The following LRP1B variants were observed in gnomAD, a reference collection of about 807,000 sequenced individuals.
The protein encoded by LRP1B is LDL receptor related protein 1B.
LRP1B carries 217 observed loss-of-function variants against 556.6 expected under a neutral mutation model. The ratio of observed to expected loss-of-function variants is 0.39; its 90% CI spans 0.35 to 0.44. LRP1B has a LOEUF of 0.44. Among genes scored for constraint, LRP1B ranks in the 20% least tolerant of loss-of-function variants. The pLI is 1.00. For synonymous variants in LRP1B, 2,047 were observed against 1,865.8 expected, an observed-to-expected ratio of 1.10 and a Z score of -2.50; for missense variants, 5,053 against 5,620.8, an observed-to-expected ratio of 0.90 and a Z score of 3.23.
intron 7 of LRP1B, among the ~76,000 whole-genome samples, chr2:141,152,829 T>C (rs761232541): frequency 1.3e-5 from 2 of 151,774 alleles, no homozygotes; most frequent in Admixed American, 6.6e-5. Context: ...TACATGTCTT[T>C]TGTATACTAA....
intron 17 of LRP1B, among the ~76,000 whole-genome samples, chr2:140,984,963 A>C (rs1392353173): frequency 2.0e-5 from 3 of 152,110 alleles, no homozygotes; most frequent in African/African-American, 7.2e-5. Flanking sequence ...ACAAACTCAC[A>C]ACATTCACTT....
intron 3 of LRP1B, among the ~76,000 whole-genome samples, chr2:141,263,911 G>A (rs1015422312): frequency 9.2e-5 from 14 of 152,096 alleles, no homozygotes; most frequent in African/African-American, 1.9e-4. Context: ...CCCAAAAAGC[G>A]TTTAATAAAA....
intron 2 of LRP1B, among the ~76,000 whole-genome samples, chr2:141,608,160 G>A (rs1180425623): frequency 6.6e-6 from 1 of 152,044 alleles, no homozygotes; most frequent in African/African-American, 2.4e-5. Flanking sequence ...GGAGGTGGAG[G>A]TTGCAGTGAG....
chr2:141,564,350 T>C (rs1305622758), intron 2 of LRP1B, among the ~76,000 whole-genome samples: 1 of 152,042 alleles, frequency 6.6e-6, no homozygotes, highest in East Asian at 1.9e-4. Context: ...AAAAGAAGAA[T>C]CTGTGAAAAT....
At chr2:140,729,218 T>C (rs771390685) in intron 35 of LRP1B, among the ~76,000 whole-genome samples, 1 of 152,118 alleles carries the variant, frequency 6.6e-6, no homozygotes, top group Non-Finnish European at 1.5e-5. Flanking sequence ...CACTGCTATA[T>C]GTTTCAAGAT....
intron 2 of LRP1B, among the ~76,000 whole-genome samples, chr2:141,606,572 A>G (rs1188260748): frequency 6.6e-6 from 1 of 152,232 alleles, no homozygotes; most frequent in East Asian, 1.9e-4. Context: ...AATTGTGATT[A>G]AGTCTAAATG....
chr2:141,563,574 G>C (rs1490501128), intron 2 of LRP1B, among the ~76,000 whole-genome samples: 1 of 151,926 alleles, frequency 6.6e-6, no homozygotes, highest in Non-Finnish European at 1.5e-5. Flanking sequence ...GATTCAAGGA[G>C]TAAGAAGTTT....
intron 2 of LRP1B, among the ~76,000 whole-genome samples, chr2:141,548,670 C>A (rs193043131): frequency 2.0e-5 from 3 of 152,192 alleles, no homozygotes; most frequent in Non-Finnish European, 4.4e-5. Flanking sequence ...GATTGTTAAT[C>A]CATATTACTG....
At chr2:141,212,033 A>G (rs1443329778) in intron 6 of LRP1B, among the ~76,000 whole-genome samples, 4 of 152,174 alleles carry the variant, frequency 2.6e-5, no homozygotes, top group African/African-American at 9.7e-5. Flanking sequence ...GCTTTTAAGT[A>G]TAAAGAGTTT....
At position 141,411,553 on chromosome 2, in the gene LRP1B, T is replaced by C. The variant is rs139117136; in HGVS notation, c.343+68843A>G. ...CTGATATGTTTGCCAGTGTCAGACT[T>C]GCTTGGATAGATGAAAAATGAAACT... is the stretch of plus-strand genomic sequence containing the variant. On this transcript the variant is annotated intron_variant, in intron 3 of 90. Transcript: ENST00000389484. 7.7e-4 allele frequency among the ~76,000 whole-genome samples: 117 copies of C among 152,270 alleles called. No individual in the cohort carries two copies. The East Asian group carries it at 0.014, about 18-fold the overall frequency.
At chr2:140,515,983 G>A (rs1055620424) in intron 50 of LRP1B, among the ~76,000 whole-genome samples, 2 of 151,796 alleles carry the variant, frequency 1.3e-5, no homozygotes, top group African/African-American at 4.8e-5. Context: ...AAATTTCTTT[G>A]ATTTGCAAAT....
At chr2:140,864,195 T>C (rs1172854914) in intron 27 of LRP1B, among the ~76,000 whole-genome samples, 3 of 151,930 alleles carry the variant, frequency 2.0e-5, no homozygotes, top group Admixed American at 1.3e-4. Context: ...ATTATCGATA[T>C]TGTTATCAAG....
chr2:140,616,833 C>T (rs1683274224), intron 41 of LRP1B, among the ~76,000 whole-genome samples: 1 of 151,840 alleles, frequency 6.6e-6, no homozygotes, highest in South Asian at 2.1e-4. Flanking sequence ...TTTGTTTACA[C>T]TATCAGTTCA....
chr2:140,833,557 T>G (rs894769209), intron 31 of LRP1B, among the ~76,000 whole-genome samples: 5 of 152,232 alleles, frequency 3.3e-5, no homozygotes, highest in Non-Finnish European at 7.3e-5. Flanking sequence ...ATGTTTTTGT[T>G]GCCAGATACA....
chr2:141,043,527 T>A (rs1698770884), intron 11 of LRP1B, among the ~76,000 whole-genome samples: 1 of 151,954 alleles, frequency 6.6e-6, no homozygotes, highest in Non-Finnish European at 1.5e-5. Context: ...TTATAGGATC[T>A]ATGGAAACTA....
intron 35 of LRP1B, among the ~76,000 whole-genome samples, chr2:140,749,057 A>G (rs1268135598): frequency 2.0e-5 from 3 of 151,730 alleles, no homozygotes; most frequent in Non-Finnish European, 2.9e-5. Flanking sequence ...TGAGTACTGT[A>G]GGCAATTTGT....
chr2:141,115,463 T>TTTG (rs1553461958), intron 7 of LRP1B, among the ~76,000 whole-genome samples: 3 of 144,370 alleles, frequency 2.1e-5, no homozygotes, highest in Non-Finnish European at 3.0e-5. Context: ...TTTTTGTTTT[T>TTTG]TTTTTTTTTT....
intron 6 of LRP1B, among the ~76,000 whole-genome samples, chr2:141,197,430 C>T (rs1277419232): frequency 2.6e-5 from 4 of 151,952 alleles, no homozygotes; most frequent in South Asian, 4.1e-4. Flanking sequence ...CCTTATTGTC[C>T]GAAATTGTCT....
chr2:140,985,526 A>G (rs1008994841), intron 17 of LRP1B, among the ~76,000 whole-genome samples: 1 of 151,760 alleles, frequency 6.6e-6, no homozygotes, highest in African/African-American at 2.4e-5. Flanking sequence ...CATAATTTCA[A>G]ATCTAACTAC....
Sources: allele counts gnomAD v4.1 joint callset (sites outside exome capture counted in the v4.1 genomes callset), GRCh38; gene constraint gnomAD v4.1.1; transcripts MANE v1.5; gene names NCBI Gene and HGNC (gene_info 2026-07-23, HGNC 2026-07-21).